The following DNAH6 variants were observed in gnomAD, a reference collection of about 807,000 sequenced individuals.
DNAH6 encodes axonemal beta dynein heavy chain 6.
In DNAH6, 340 loss-of-function variants were observed where a neutral mutation model predicts 491.4. The observed-to-expected ratio is 0.69, with a 90% CI of 0.63 to 0.76. DNAH6 has a LOEUF of 0.76. Ranked by LOEUF, DNAH6 falls within the 30% of genes least tolerant of loss-of-function variation. The pLI is 0.00. For synonymous variants in DNAH6, 1,603 were observed against 1,686.1 expected, an observed-to-expected ratio of 0.95 and a Z score of 1.21; for missense variants, 4,443 against 4,972.2, an observed-to-expected ratio of 0.89 and a Z score of 3.20.
intron 35 of DNAH6, among the ~76,000 whole-genome samples, chr2:84,656,170 A>G (rs1690950780): frequency 6.6e-6 from 1 of 152,006 alleles, no homozygotes; most frequent in Admixed American, 6.6e-5. Context: ...TATTTTTTGT[A>G]TGAATGTACC....
intron 64 of DNAH6, among the ~76,000 whole-genome samples, chr2:84,778,444 C>T (rs1371538754): frequency 6.6e-6 from 1 of 151,696 alleles, no homozygotes; most frequent in Admixed American, 6.6e-5. Flanking sequence ...TTTCTAGTTC[C>T]TCTAATTGCA....
chr2:84,592,271 T>A (rs57698438), intron 16 of DNAH6, among the ~76,000 whole-genome samples: 2,166 of 152,180 alleles, frequency 0.014, 52 homozygotes, highest in African/African-American at 0.05. Context: ...CCCAAATTTT[T>A]AAAATGGACA....
At chr2:84,469,660 G>A in the DNAH6 span, among the ~76,000 whole-genome samples, 15 of 152,270 alleles carry the variant, frequency 9.9e-5, no homozygotes, top group East Asian at 3.9e-4. The surrounding 1 kb of genome is among the most constrained non-coding windows in gnomAD (Gnocchi z 4.0). Flanking sequence ...GCCGCTTGTC[G>A]GTAACAAAGG....
rs1695503952 is a variant in DNAH6, at chr2:84,697,512, T to C, written c.7525-63T>C. On this transcript the variant is annotated intron_variant, in intron 46 of 76. Transcript: ENST00000389394. ...ATTCATGTGAATTTTAGAATAAATA[T>C]TTGCTTTATAATAAATGGAAAATGA... 2.8e-6 allele frequency: 4 copies of C among 1,415,458 alleles called. No individual in the cohort carries two copies. The South Asian group carries it at 5.8e-5, about 21-fold the overall frequency. 87.7% of individuals were successfully genotyped at this position (1,415,458 alleles called of 1,614,324 possible).
At chr2:84,638,171 TC>T (rs1332673429) in intron 31 of DNAH6, among the ~76,000 whole-genome samples, 1 of 152,092 alleles carries the variant, frequency 6.6e-6, no homozygotes, top group Non-Finnish European at 1.5e-5. Flanking sequence ...ATTGATATAT[TC>T]ACATTTTGTA....
the DNAH6 span, among the ~76,000 whole-genome samples, chr2:84,503,684 G>GT: frequency 7.4e-3 from 1,065 of 143,214 alleles, 5 homozygotes; most frequent in African/African-American, 0.015. Flanking sequence ...TAGGGTAAAA[G>GT]TTTTTTTTTT....
At chr2:84,746,559 T>C (rs143096470) in intron 63 of DNAH6, among the ~76,000 whole-genome samples, 1 of 152,308 alleles carries the variant, frequency 6.6e-6, no homozygotes, top group East Asian at 1.9e-4. Flanking sequence ...AAGGATTTGA[T>C]TGGTGAGTTT....
In DNAH6 at chr2:84,798,040, C is replaced by T. The variant is rs183593435; in HGVS notation, c.11481+382C>T. Among the ~76,000 whole-genome samples, 413 of 152,270 alleles carry T rather than the reference C, an allele frequency of 2.7e-3. 6 individuals are homozygous for T. The highest frequency in any genetic ancestry group is 5.4e-4 in the Non-Finnish European group (37 of 68,022). On this transcript the variant is annotated intron_variant, in intron 70 of 76. Coordinates refer to ENST00000389394, the MANE Select transcript of DNAH6 (RefSeq NM_001370.2). ...TCATATTACACAAAGGTCTGTGGAT[C>T]CATACGTGATTCAATTATAAAAATA...
intron 70 of DNAH6, among the ~76,000 whole-genome samples, chr2:84,801,766 C>A (rs1678941192): frequency 6.6e-6 from 1 of 151,768 alleles, no homozygotes; most frequent in Admixed American, 6.6e-5. Context: ...AACCTGTAAT[C>A]CCAGCTACTC....
Position 84,818,902 on chromosome 2 carries a change from G to T in DNAH6, c.12374-403G>T, listed in dbSNP as rs140189434. 7.0e-3 allele frequency among the ~76,000 whole-genome samples: 1,063 copies of T among 152,196 alleles called. 8 individuals are homozygous for T. The highest frequency in any genetic ancestry group is 0.012 in the Non-Finnish European group (797 of 67,988). On this transcript the variant is annotated intron_variant, in intron 76 of 76. Coordinates refer to ENST00000389394, the MANE Select transcript of DNAH6 (RefSeq NM_001370.2). ...CAGCCTAGCCAACTGGTGAAACCCC[G>T]CCTCTACTAAAAATACAAAAATTAG...
chr2:84,658,964 G>A, intron 36 of DNAH6, 62 bp from the exon 37 acceptor site: 2 of 1,051,046 alleles, frequency 1.9e-6, no homozygotes, highest in South Asian at 1.7e-5. Context: ...ACACTTTGCA[G>A]CTTAGGATTC....
At chr2:84,606,941 G>A (rs766054675) in intron 20 of DNAH6, 35 bp from the exon 21 acceptor site, 9 of 1,540,166 alleles carry the variant, frequency 5.8e-6, no homozygotes, top group Non-Finnish European at 7.9e-6. Context: ...ACAAATACTG[G>A]GTGCTGCATG....
At position 84,570,402 on chromosome 2, in the gene DNAH6, G is replaced by T. The variant is rs368050239; in HGVS notation, c.1804-3065G>T. On this transcript the variant is annotated intron_variant, in intron 11 of 76. Coordinates refer to ENST00000389394, the MANE Select transcript of DNAH6 (RefSeq NM_001370.2). ...TTGTAAATGCCCCAATCAGCACTCT[G>T]TAAAAACACACCAATCAGCACTCTG... Among the ~76,000 whole-genome samples the T allele has an allele frequency of 6.6e-4, 101 of 152,264 alleles. 1 individual carries two copies. Among genetic ancestry groups the T allele is most frequent in the African/African-American group, 2.3e-3 (95 of 41,558 alleles).
the DNAH6 span, among the ~76,000 whole-genome samples, chr2:84,492,732 C>T: frequency 2.0e-5 from 3 of 152,102 alleles, no homozygotes; most frequent in Non-Finnish European, 1.5e-5. Context: ...CTAAGTGCCT[C>T]GGGGAATGAA....
rs527963465 is a variant in DNAH6, at chr2:84,581,887, T to C, written c.2230-2112T>C. On this transcript the variant is annotated intron_variant, in intron 14 of 76. Transcript: ENST00000389394. ...TATCATTCTGCAGGGAATGGGTATT[T>C]AGCAGTTTCATACCGGTATAGGGAG... is the stretch of plus-strand genomic sequence containing the variant. Among the ~76,000 whole-genome samples, 121 of 152,252 alleles carry C rather than the reference T, an allele frequency of 7.9e-4. 2 individuals carry two copies. In the South Asian group the frequency reaches 0.016, roughly 20 times the overall value.
At chr2:84,731,816 C>T (rs548051438) in intron 61 of DNAH6, among the ~76,000 whole-genome samples, 1 of 152,282 alleles carries the variant, frequency 6.6e-6, no homozygotes, top group African/African-American at 2.4e-5. Flanking sequence ...CTGCCAAAGA[C>T]CAGAAGGAAA....
intron 5 of DNAH6, 105 bp from the exon 6 acceptor site, chr2:84,547,163 C>G: frequency 1.1e-6 from 1 of 947,604 alleles, no homozygotes; most frequent in Middle Eastern, 3.4e-4. Context: ...AGTTAACACA[C>G]AGAGGTGTTT....
intron 10 of DNAH6, among the ~76,000 whole-genome samples, chr2:84,555,222 C>T (rs1477302234): frequency 3.3e-5 from 5 of 152,254 alleles, no homozygotes; most frequent in Admixed American, 2.0e-4. Context: ...TTACTTTGCT[C>T]TTGCTTAGGT....
the DNAH6 span, among the ~76,000 whole-genome samples, chr2:84,491,823 T>A: frequency 6.6e-6 from 1 of 152,208 alleles, no homozygotes. Flanking sequence ...TGTCTGCCTA[T>A]TTTTAAGACA....
Sources: allele counts gnomAD v4.1 joint callset (sites outside exome capture counted in the v4.1 genomes callset), GRCh38; gene constraint gnomAD v4.1.1; non-coding constraint Gnocchi (gnomAD v3.1); transcripts MANE v1.5; gene names NCBI Gene and HGNC (gene_info 2026-07-23, HGNC 2026-07-21).